Variants in WWOX observed in about 807,000 individuals in gnomAD.
WWOX encodes WW domain containing oxidoreductase, also known as WW domain-containing oxidoreductase.
WWOX carries 69 observed loss-of-function variants against 46.2 expected under a neutral mutation model. The observed-to-expected ratio is 1.49, with a 90% CI of 1.23 to 1.82. WWOX has a LOEUF of 1.82. Among genes scored for constraint, WWOX ranks in the 40% most tolerant of loss-of-function variants. The probability of loss-of-function intolerance (pLI) is 0.00; values close to 1 mark genes in which losing one functional copy is unlikely to be tolerated. For synonymous variants in WWOX, 359 were observed against 202.6 expected (o/e 1.77, Z -6.56); for missense variants, 919 against 542.6 (o/e 1.69, Z -6.89).
At chr16:78,650,770 C>G (rs573064801) in intron 8 of WWOX, among the ~76,000 whole-genome samples, 29 of 152,238 alleles carry the variant, frequency 1.9e-4, no homozygotes, top group African/African-American at 3.6e-4. Context: ...CATGCCATGT[C>G]TCCCCCTGTC....
intron 8 of WWOX, among the ~76,000 whole-genome samples, chr16:78,964,718 C>T (rs975966075): frequency 6.6e-6 from 1 of 151,840 alleles, no homozygotes; most frequent in African/African-American, 2.4e-5. Context: ...GTCTCCAGGC[C>T]ATGTCAGAGA....
intron 5 of WWOX, among the ~76,000 whole-genome samples, chr16:78,386,033 C>T (rs1279094090): frequency 2.6e-5 from 4 of 152,178 alleles, no homozygotes; most frequent in Admixed American, 6.5e-5. Flanking sequence ...CTTCAAATCC[C>T]GACCTCTCCA....
intron 8 of WWOX, among the ~76,000 whole-genome samples, chr16:79,022,472 T>G (rs1296617882): frequency 6.6e-6 from 1 of 152,146 alleles, no homozygotes; most frequent in African/African-American, 2.4e-5. Flanking sequence ...TGTGCCCTTT[T>G]ACAGCCTTTT....
chr16:78,780,357 A>G (rs1420825106), intron 8 of WWOX: 1 of 151,764 alleles, frequency 6.6e-6, no homozygotes, highest in Non-Finnish European at 1.5e-5. Context: ...CTGGTTGATT[A>G]ATTCATTCAT....
chr16:79,132,621 G>T (rs546841636), intron 8 of WWOX, among the ~76,000 whole-genome samples: 6 of 151,680 alleles, frequency 4.0e-5, no homozygotes, highest in Non-Finnish European at 8.8e-5. Context: ...CTCAAACATC[G>T]CTTTTCTTTT....
At chr16:79,012,159 A>C (rs1347134978) in intron 8 of WWOX, among the ~76,000 whole-genome samples, 1 of 152,118 alleles carries the variant, frequency 6.6e-6, no homozygotes, top group Non-Finnish European at 1.5e-5. Flanking sequence ...GATGTCTTCT[A>C]TCTCTGCCCT....
chr16:78,573,956 C>G (rs531677041), intron 8 of WWOX, among the ~76,000 whole-genome samples: 1 of 152,192 alleles, frequency 6.6e-6, no homozygotes, highest in South Asian at 2.1e-4. Context: ...CACAAAGTTG[C>G]AATCATATAT....
intron 8 of WWOX, among the ~76,000 whole-genome samples, chr16:79,176,976 C>A (rs557189071): frequency 1.6e-4 from 24 of 152,218 alleles, no homozygotes; most frequent in Middle Eastern, 3.4e-3. Context: ...AAATGGAGTA[C>A]AATGAATAGA....
intron 8 of WWOX, among the ~76,000 whole-genome samples, chr16:78,697,823 T>C (rs1351543920): frequency 2.6e-5 from 4 of 152,166 alleles, no homozygotes; most frequent in African/African-American, 7.2e-5. Flanking sequence ...GAGGAGCATC[T>C]GTATCTGTTT....
chr16:78,286,769 G>A (rs4581713), intron 5 of WWOX, among the ~76,000 whole-genome samples: 1 of 151,742 alleles, frequency 6.6e-6, no homozygotes, highest in Non-Finnish European at 1.5e-5. Flanking sequence ...ACCTATTAGA[G>A]CATCATAAAA....
intron 8 of WWOX, among the ~76,000 whole-genome samples, chr16:78,587,320 A>C (rs1207378541): frequency 1.3e-5 from 2 of 150,676 alleles, no homozygotes; most frequent in East Asian, 2.0e-4. Context: ...GGTGTGAGCC[A>C]CTGCGTGAGG....
chr16:78,489,017 C>T (rs867652749), intron 8 of WWOX, among the ~76,000 whole-genome samples: 7 of 152,270 alleles, frequency 4.6e-5, no homozygotes, highest in Middle Eastern at 3.4e-3. Flanking sequence ...GTGTCTAAAT[C>T]CTGCTCTGGG....
chr16:78,539,570 G>A (rs1360808397), intron 8 of WWOX, among the ~76,000 whole-genome samples: 1 of 152,214 alleles, frequency 6.6e-6, no homozygotes, highest in South Asian at 2.1e-4. Context: ...ATATTTCATT[G>A]TAGAGTGCAC....
chr16:78,927,876 A>T (rs538291881), intron 8 of WWOX, among the ~76,000 whole-genome samples: 1 of 152,256 alleles, frequency 6.6e-6, no homozygotes, highest in South Asian at 2.1e-4. Flanking sequence ...AAGTTCAATG[A>T]ATTATTCTTT....
intron 8 of WWOX, among the ~76,000 whole-genome samples, chr16:78,572,709 T>G (rs1390101839): frequency 1.3e-5 from 2 of 151,768 alleles, no homozygotes; most frequent in African/African-American, 4.8e-5. Context: ...TTCAGGATAT[T>G]TGATAAAACT....
At position 78,108,313 on chromosome 16, in the gene WWOX, A is replaced by G. The variant is rs2032279689; in HGVS notation, c.108-110A>G. ...AGTCCTCTTTCTCCTTCTTCCCCCT[A>G]CTTCCTTCTTATATCTGGCTATCTG... On this transcript the variant is annotated intron_variant, in intron 1 of 8. Transcript: ENST00000566780. 5.4e-6 allele frequency: 6 copies of G among 1,102,828 alleles called. No individual in the cohort carries two copies. The South Asian group carries it at 8.1e-5, about 15-fold the overall frequency. 68.3% of individuals were successfully genotyped at this position (1,102,828 alleles called of 1,614,324 possible).
At chr16:79,108,349 G>A (rs548022993) in intron 8 of WWOX, among the ~76,000 whole-genome samples, 25 of 152,304 alleles carry the variant, frequency 1.6e-4, no homozygotes, top group East Asian at 1.2e-3. Context: ...GCTGAGCTGC[G>A]TATTAAGTAT....
chr16:78,752,405 A>C (rs1168005197), intron 8 of WWOX, among the ~76,000 whole-genome samples: 1 of 152,166 alleles, frequency 6.6e-6, no homozygotes, highest in Admixed American at 6.5e-5. Flanking sequence ...CTTCTGCCTC[A>C]GCCTTCTGAG....
chr16:78,673,193 C>T (rs1251823810), intron 8 of WWOX, among the ~76,000 whole-genome samples: 2 of 152,142 alleles, frequency 1.3e-5, no homozygotes, highest in African/African-American at 2.4e-5. Flanking sequence ...GAGGTGAGAT[C>T]AGTAGAAGAG....
Sources: allele counts gnomAD v4.1 joint callset (sites outside exome capture counted in the v4.1 genomes callset), GRCh38; gene constraint gnomAD v4.1.1; transcripts MANE v1.5; gene names NCBI Gene and HGNC (gene_info 2026-07-23, HGNC 2026-07-21).